Variants in CDH2 observed in about 807,000 individuals in gnomAD.
CDH2 encodes the protein cadherin 2.
A neutral mutation model predicts 92.0 loss-of-function variants in CDH2; 17 were observed. The observed-to-expected ratio is 0.18, with a 90% CI of 0.13 to 0.28. The LOEUF (loss-of-function observed/expected upper bound fraction) is 0.28, where lower values mean the gene tolerates loss of function less well. Ranked by LOEUF, CDH2 falls within the 10% of genes least tolerant of loss-of-function variation. The pLI is 1.00. For synonymous variants in CDH2, 419 were observed against 415.9 expected, an observed-to-expected ratio of 1.01 and a Z score of -0.09; for missense variants, 862 against 1,133.1, an observed-to-expected ratio of 0.76 and a Z score of 3.44.
chr18:28,165,811 A>T (rs1034927931), intron 1 of CDH2, among the ~76,000 whole-genome samples: 2 of 151,832 alleles, frequency 1.3e-5, no homozygotes, highest in Non-Finnish European at 2.9e-5. Context: ...TTAAGAGAAA[A>T]GAAAGAAAAA....
chr18:28,072,586 G>GT (rs34781019), intron 2 of CDH2, among the ~76,000 whole-genome samples: 31,669 of 152,172 alleles, frequency 0.21, 3,811 homozygotes, highest in Non-Finnish European at 0.27. Context: ...CCAATTAAGA[G>GT]TTCTGAATAA....
chr18:27,983,077 A>G lies in CDH2; in HGVS notation c.2216T>C (p.Val739Ala). The G allele has an allele frequency of 6.2e-7, 1 of 1,608,810 alleles. No individual in the cohort carries two copies. Among genetic ancestry groups the G allele is most frequent in the Non-Finnish European group, 8.5e-7 (1 of 1,177,942 alleles). The change falls in exon 14 of 16, where the codon GTG (valine) becomes GCG (alanine). Residue 739 changes from valine to alanine, a missense_variant. Coordinates refer to ENST00000269141, the MANE Select transcript of CDH2 (RefSeq NM_001792.5). ...LLCIIILLIL[V>A]LMFVVWMKRR... ...TTTCATCCATACCACAAACATCAGC[A>G]CAAGGACTAGGTAGAAAAATAGTAA... is the stretch of plus-strand genomic sequence containing the variant.
At chr18:28,122,090 T>A (rs2144273512) in intron 2 of CDH2, among the ~76,000 whole-genome samples, 1 of 152,238 alleles carries the variant, frequency 6.6e-6, no homozygotes, top group Non-Finnish European at 1.5e-5. Context: ...CTTGAAAGTT[T>A]TAGGCTCCTT....
intron 4 of CDH2, among the ~76,000 whole-genome samples, chr18:28,011,282 A>G (rs2013091948): frequency 1.3e-5 from 2 of 151,730 alleles, no homozygotes; most frequent in African/African-American, 4.8e-5. Flanking sequence ...GATGGTATGT[A>G]TCTAGAGTAA....
intron 2 of CDH2, among the ~76,000 whole-genome samples, chr18:28,082,161 T>A (rs370703165): frequency 5.9e-5 from 9 of 152,142 alleles, no homozygotes; most frequent in East Asian, 3.9e-4. Context: ...ACTCCCACCA[T>A]TCTGGGAAGC....
chr18:27,952,885 A>G (rs921314152), intron 15 of CDH2, among the ~76,000 whole-genome samples: 1 of 152,188 alleles, frequency 6.6e-6, no homozygotes, highest in Non-Finnish European at 1.5e-5. Flanking sequence ...AAAAGCCATC[A>G]GGTTGTGGGG....
intron 2 of CDH2, among the ~76,000 whole-genome samples, chr18:28,118,149 A>T (rs1363753406): frequency 1.3e-5 from 2 of 152,002 alleles, no homozygotes; most frequent in Admixed American, 6.6e-5. Context: ...CCATACAATA[A>T]AACCGAATCC....
chr18:28,045,378 T>G (rs905958661), intron 2 of CDH2: 5 of 465,156 alleles, frequency 1.1e-5, no homozygotes, highest in African/African-American at 2.0e-5. Flanking sequence ...AACTTATAAA[T>G]AGCTCTCCAT....
At chr18:28,125,150 C>T (rs2015655639) in intron 2 of CDH2, among the ~76,000 whole-genome samples, 3 of 152,144 alleles carry the variant, frequency 2.0e-5, no homozygotes, top group Non-Finnish European at 4.4e-5. Context: ...AAGACAGAAA[C>T]TCATGACAGA....
chr18:27,933,571 AAG>A (rs1157039068), intron 6 of CDH2, among the ~76,000 whole-genome samples: 3 of 152,184 alleles, frequency 2.0e-5, no homozygotes, highest in Non-Finnish European at 2.9e-5. Flanking sequence ...GAAAAAAAGA[AAG>A]AGAGAAAAGG....
At chr18:27,999,252 G>A (rs1048945367) in intron 7 of CDH2, among the ~76,000 whole-genome samples, 1 of 152,122 alleles carries the variant, frequency 6.6e-6, no homozygotes, top group East Asian at 1.9e-4. Context: ...ATTCTGGGGG[G>A]TTAGGTTAAG....
At chr18:27,947,785 G>GT (rs1909311441), downstream of CDH2, among the ~76,000 whole-genome samples, 4 of 144,208 alleles carry the variant, frequency 2.8e-5, no homozygotes, top group African/African-American at 1.0e-4. Context: ...AAGTATATGT[G>GT]ATATAAGTAT....
rs17498120 is a variant in CDH2, at chr18:27,998,027, C to G, written c.1021-4390G>C. 4.6e-5 allele frequency among the ~76,000 whole-genome samples: 7 copies of G among 152,126 alleles called. No individual in the cohort carries two copies. In the East Asian group the frequency reaches 1.2e-3, roughly 25 times the overall value. On this transcript the variant is annotated intron_variant, in intron 7 of 15. Coordinates refer to ENST00000269141, the MANE Select transcript of CDH2 (RefSeq NM_001792.5). ...TTCACCGTGTTAGCCAGGATGGTCT[C>G]CATCTCCTGACCTCGTGATCCGCCC...
At chr18:28,028,362 G>A (rs770800519) in intron 2 of CDH2, among the ~76,000 whole-genome samples, 2 of 152,092 alleles carry the variant, frequency 1.3e-5, no homozygotes, top group Non-Finnish European at 2.9e-5. Flanking sequence ...AGAACATGAT[G>A]TGCATTAAGC....
intron 5 of CDH2, among the ~76,000 whole-genome samples, chr18:28,007,100 C>A (rs1423879919): frequency 6.9e-6 from 1 of 145,732 alleles, no homozygotes; most frequent in African/African-American, 2.5e-5. Context: ...GCGGCAGCTG[C>A]GGTGAGCTGA....
intron 2 of CDH2, among the ~76,000 whole-genome samples, chr18:28,117,326 TA>T (rs1180469008): frequency 6.6e-6 from 1 of 152,198 alleles, no homozygotes; most frequent in East Asian, 1.9e-4. Flanking sequence ...ATGACTTGGA[TA>T]AATGTTCACA....
chr18:28,009,781 T>A lies in CDH2; in HGVS notation c.638A>T (p.Asn213Ile). ...CACCGACAGCTGACCCGAGATGGGG[T>A]TGATAATGAAGATACCAGTTGGAGG... ...DQPPTGIFII[N>I]PISGQLSVTK... Residue 213 changes from asparagine (N) to isoleucine (I), a missense_variant, in exon 5 of 16, where the codon AAC becomes ATC. This residue lies in a region of CDH2 where 564 missense variants were observed against 722.2 expected (regional missense o/e 0.78). Coordinates refer to ENST00000269141, the MANE Select transcript of CDH2 (RefSeq NM_001792.5). The A allele has an allele frequency of 6.2e-7, 1 of 1,613,932 alleles. No individual in the cohort carries two copies. The highest frequency in any genetic ancestry group is 8.5e-7 in the Non-Finnish European group (1 of 1,179,954).
At chr18:28,064,283 A>AT (rs2014463861) in intron 2 of CDH2, among the ~76,000 whole-genome samples, 1 of 152,112 alleles carries the variant, frequency 6.6e-6, no homozygotes, top group East Asian at 1.9e-4. Context: ...TTAACAGTTT[A>AT]TTTTTTTAAG....
At chr18:27,976,967 G>T (rs149096320) in intron 14 of CDH2, among the ~76,000 whole-genome samples, 1 of 152,120 alleles carries the variant, frequency 6.6e-6, no homozygotes, top group African/African-American at 2.4e-5. Context: ...TATTAGTGAC[G>T]CTGATATGGA....
Sources: allele counts gnomAD v4.1 joint callset (sites outside exome capture counted in the v4.1 genomes callset), GRCh38; gene constraint gnomAD v4.1.1; regional missense constraint gnomAD v4.1.1; transcripts MANE v1.5; gene names NCBI Gene and HGNC (gene_info 2026-07-23, HGNC 2026-07-21).